RASA3: variants seen among roughly 807,000 people sequenced by gnomAD.
RASA3 encodes the protein RAS p21 protein activator 3.
Under a neutral mutation model 110.0 loss-of-function variants are expected in RASA3, and 73 were observed. The ratio of observed to expected loss-of-function variants is 0.66; its 90% confidence interval spans 0.55 to 0.81. The LOEUF is 0.81. Among genes scored for constraint, RASA3 ranks in the 30% least tolerant of loss-of-function variants. The probability of loss-of-function intolerance (pLI) is 0.00; values close to 1 mark genes in which losing one functional copy is unlikely to be tolerated. For synonymous variants in RASA3, 500 were observed against 451.4 expected, an observed-to-expected ratio of 1.11 and a Z score of -1.37; for missense variants, 976 against 1,113.2, an observed-to-expected ratio of 0.88 and a Z score of 1.75.
At chr13:114,132,290 G>T in intron 1 of RASA3, 145 bp downstream of exon 1, 1 of 879,044 alleles carries the variant, frequency 1.1e-6, no homozygotes, top group Non-Finnish European at 1.6e-6. Context: ...CGCGGAGCCG[G>T]ACCAGCCGTT....
intron 1 of RASA3, among the ~76,000 whole-genome samples, chr13:114,132,234 C>A (rs1246632369): frequency 6.6e-6 from 1 of 152,146 alleles, no homozygotes; most frequent in African/African-American, 2.4e-5. Flanking sequence ...CCGGAGCCGA[C>A]TCGACCCAGC....
intron 1 of RASA3, among the ~76,000 whole-genome samples, chr13:114,122,159 G>A (rs2080387476): frequency 6.6e-6 from 1 of 152,252 alleles, no homozygotes; most frequent in African/African-American, 2.4e-5. Flanking sequence ...AGCTTCCCCA[G>A]GCTGCTCCAG....
intron 1 of RASA3, among the ~76,000 whole-genome samples, chr13:114,089,418 GGAGGCGGCCACCT>G (rs2079863622): frequency 6.6e-6 from 1 of 151,910 alleles, no homozygotes; most frequent in South Asian, 2.1e-4. Flanking sequence ...ATGGAGGGCA[GGAGGCGGCCACCT>G]GAGCCCCGCA....
intron 16 of RASA3, among the ~76,000 whole-genome samples, chr13:114,010,625 C>T (rs1443427081): frequency 1.5e-5 from 1 of 66,098 alleles, no homozygotes; most frequent in Non-Finnish European, 2.9e-5. Flanking sequence ...TGGGAGGAGG[C>T]GGCCGCTTGG....
chr13:114,118,306 T>G (rs1030302922), intron 1 of RASA3, among the ~76,000 whole-genome samples: 7 of 152,114 alleles, frequency 4.6e-5, no homozygotes, highest in Non-Finnish European at 7.4e-5. Flanking sequence ...CCTGTGTGAC[T>G]CAAACCCCCC....
intron 2 of RASA3, among the ~76,000 whole-genome samples, chr13:114,067,692 T>C (rs59029497): frequency 0.096 from 14,678 of 152,228 alleles, 933 homozygotes; most frequent in Admixed American, 0.16. Flanking sequence ...GAAACCTCCC[T>C]GTCTTTAACA....
intron 14 of RASA3, among the ~76,000 whole-genome samples, chr13:114,013,728 C>T (rs2053706094): frequency 2.1e-5 from 2 of 97,540 alleles, no homozygotes; most frequent in Non-Finnish European, 4.0e-5. Flanking sequence ...CTCTCTCCGT[C>T]CGTCTGTCTC....
At chr13:114,046,444 G>T (rs1422761074) in intron 3 of RASA3, among the ~76,000 whole-genome samples, 1 of 152,224 alleles carries the variant, frequency 6.6e-6, no homozygotes, top group Non-Finnish European at 1.5e-5. Context: ...CATAGGCAGG[G>T]TGTTGAGAGT....
chr13:114,043,020 C>T (rs1241846079), intron 3 of RASA3, among the ~76,000 whole-genome samples: 1 of 152,244 alleles, frequency 6.6e-6, no homozygotes, highest in African/African-American at 2.4e-5. Flanking sequence ...CCCTCAGGAG[C>T]TCCTCTGCCT....
At chr13:114,021,367 A>T in intron 9 of RASA3, 37 bp downstream of exon 9, 1 of 1,581,138 alleles carries the variant, frequency 6.3e-7, no homozygotes, top group South Asian at 1.1e-5. Context: ...TGTGGCTCTC[A>T]GAGATGCGGA....
intron 21 of RASA3, 145 bp from the exon 22 acceptor site, chr13:113,992,733 CTG>C (rs2053148404): frequency 1.5e-6 from 1 of 686,240 alleles, no homozygotes; most frequent in Non-Finnish European, 2.5e-6. Context: ...TGCTGTCCGT[CTG>C]TGCACAGCCG....
intron 17 of RASA3, among the ~76,000 whole-genome samples, chr13:114,008,034 C>T (rs1454112328): frequency 9.6e-5 from 1 of 10,390 alleles, no homozygotes; most frequent in Non-Finnish European, 1.7e-4. Context: ...ATTCCCCCCA[C>T]GCACCGCGTT....
In RASA3 at chr13:114,056,811, G is replaced by T; in HGVS notation, c.174-4656C>A. 1 of 502,638 alleles carries T rather than the reference G, an allele frequency of 2.0e-6. No homozygotes were observed. The highest frequency in any genetic ancestry group is 2.6e-6 in the Non-Finnish European group (1 of 388,376). The allele number at this position is 502,638 out of a possible 1,614,324, so 31.1% of individuals were successfully genotyped here. A position where few individuals can be genotyped will look rare whatever the true frequency, so the allele number is the denominator to read the frequency against. On this transcript the variant is annotated intron_variant, in intron 2 of 23. Transcript: ENST00000334062. The surrounding 1 kb of genome is among the most constrained non-coding windows in gnomAD (Gnocchi z 5.7). ...AGACTGGACGTGCCCCTTTCTAAATGTAAAAGCGGTTTATAGCAACACAGC... is the reference window on the plus strand; with the variant it reads ...AGACTGGACGTGCCCCTTTCTAAATTTAAAAGCGGTTTATAGCAACACAGC...
At chr13:114,072,447 C>A (rs1047364044) in intron 2 of RASA3, among the ~76,000 whole-genome samples, 1 of 152,166 alleles carries the variant, frequency 6.6e-6, no homozygotes, top group South Asian at 2.1e-4. Context: ...ACTTTCTAGG[C>A]CTCTTACCTC....
In RASA3 at chr13:114,015,202, C is replaced by T. The variant is rs1238012206; in HGVS notation, c.1405+7G>A. On this transcript the variant is annotated splice_region_variant and intron_variant, in intron 14 of 23. Transcript: ENST00000334062. ...CTCAGCAACATGAGGGTGTTCAGGG[C>T]ACTCACCCTGGAAGCGCTTGGCCGC... 2 of 1,612,766 alleles carry T rather than the reference C, an allele frequency of 1.2e-6. No homozygotes were observed. Among genetic ancestry groups the T allele is most frequent in the Non-Finnish European group, 8.5e-7 (1 of 1,179,902 alleles).
intron 3 of RASA3, among the ~76,000 whole-genome samples, chr13:114,041,341 C>T (rs1021204996): frequency 1.1e-4 from 17 of 152,190 alleles, no homozygotes; most frequent in African/African-American, 3.1e-4. Flanking sequence ...AGGAATGAGC[C>T]GGGCATGGTG....
At chr13:113,997,479 A>G (rs2139136080) in intron 20 of RASA3, among the ~76,000 whole-genome samples, 1 of 152,112 alleles carries the variant, frequency 6.6e-6, no homozygotes, top group South Asian at 2.1e-4. Flanking sequence ...GGGTGGGGGC[A>G]AAGGGTGTCA....
At chr13:113,995,724 AT>A (rs1485767476) in intron 21 of RASA3, among the ~76,000 whole-genome samples, 1 of 40,770 alleles carries the variant, frequency 2.5e-5, no homozygotes, top group African/African-American at 1.7e-4. Context: ...GACCCAGCTG[AT>A]GGGGGGCCCG....
Position 114,023,967 on chromosome 13 carries a change from T to C in RASA3, c.680+312A>G, listed in dbSNP as rs1230110254. 3.3e-5 allele frequency among the ~76,000 whole-genome samples: 5 copies of C among 152,260 alleles called. No homozygotes were observed. In the South Asian group the frequency reaches 8.3e-4, roughly 25 times the overall value. ...GACCTCTGAGTGAGGCCTGAACCCA[T>C]GGAAGGCGGAGGGCTTAGAACAAGA... On this transcript the variant is annotated intron_variant, in intron 8 of 23. Transcript: ENST00000334062.
Sources: gnomAD v4.1 joint callset for allele counts (sites outside exome capture counted in the v4.1 genomes callset) on GRCh38, gnomAD v4.1.1 for gene constraint, Gnocchi (gnomAD v3.1) non-coding constraint, MANE v1.5 for transcripts, NCBI Gene and HGNC (gene_info 2026-07-23, HGNC 2026-07-21) for gene names.